CHN1: variants seen among roughly 807,000 people sequenced by gnomAD.
The protein encoded by CHN1 is N-chimaerin.
Under a neutral mutation model 59.5 loss-of-function variants are expected in CHN1, and 37 were observed. The observed-to-expected ratio is 0.62, with a 90% CI of 0.48 to 0.82. The LOEUF is 0.82. CHN1 is among the 40% of genes least tolerant of loss of function. The pLI is 0.00. For missense variants in CHN1, 469 were observed against 571.0 expected (o/e 0.82, Z 1.82); for synonymous variants, 206 against 200.4 (o/e 1.03, Z -0.24).
chr2:174,963,410 T>C (rs1358107274), intron 1 of CHN1, among the ~76,000 whole-genome samples: 2 of 152,178 alleles, frequency 1.3e-5, no homozygotes, highest in Non-Finnish European at 2.9e-5. Context: ...AGAGGTATTA[T>C]CCGACAAGAC....
intron 1 of CHN1, among the ~76,000 whole-genome samples, chr2:175,000,784 T>G (rs541400058): frequency 3.3e-5 from 5 of 152,268 alleles, no homozygotes; most frequent in Admixed American, 1.3e-4. Context: ...GGTATCTCCC[T>G]GTGTTGTTCA....
intron 5 of CHN1, among the ~76,000 whole-genome samples, chr2:174,889,881 ATGTGTG>A (rs111371037): frequency 4.0e-5 from 6 of 149,390 alleles, no homozygotes; most frequent in African/African-American, 7.3e-5. Context: ...ATAAATAAAT[ATGTGTG>A]TGTGTGTGTG....
intron 1 of CHN1, among the ~76,000 whole-genome samples, chr2:174,992,915 C>T (rs1384300428): frequency 6.6e-6 from 1 of 152,084 alleles, no homozygotes; most frequent in Non-Finnish European, 1.5e-5. Flanking sequence ...TCAGCCTCCC[C>T]AAATAGCTGG....
intron 8 of CHN1, among the ~76,000 whole-genome samples, chr2:174,819,344 C>T (rs767739449): frequency 7.2e-5 from 11 of 152,290 alleles, no homozygotes; most frequent in Non-Finnish European, 1.6e-4. Flanking sequence ...GAACTGCTGC[C>T]ATTTCCTTTT....
intron 11 of CHN1, chr2:174,802,144 G>GATA (rs1462196578): frequency 3.8e-6 from 1 of 265,994 alleles, no homozygotes; most frequent in Admixed American, 4.8e-5. Context: ...TGTCGACACA[G>GATA]ATAAAAACTT....
chr2:174,801,676 A>G (rs1182637298), intron 12 of CHN1, 31 bp downstream of exon 12: 5 of 1,505,996 alleles, frequency 3.3e-6, no homozygotes, highest in Non-Finnish European at 2.8e-6. Flanking sequence ...TGGATGCAAT[A>G]CAAGTGTAAG....
At chr2:174,877,050 T>C (rs1222001342) in intron 6 of CHN1, among the ~76,000 whole-genome samples, 2 of 152,146 alleles carry the variant, frequency 1.3e-5, no homozygotes, top group South Asian at 2.1e-4. Context: ...TTACAATACC[T>C]AAAATGCCCC....
chr2:174,991,426 C>T (rs1041049531), intron 1 of CHN1, among the ~76,000 whole-genome samples: 4 of 152,094 alleles, frequency 2.6e-5, no homozygotes, highest in Middle Eastern at 3.2e-3. Flanking sequence ...TATAACAAGC[C>T]CTGTGTTTAT....
At chr2:174,934,383 A>G (rs1264471018) in intron 3 of CHN1, among the ~76,000 whole-genome samples, 1 of 152,166 alleles carries the variant, frequency 6.6e-6, no homozygotes, top group East Asian at 1.9e-4. Context: ...GCCACTACTG[A>G]TCTGACAGGA....
intron 6 of CHN1, among the ~76,000 whole-genome samples, chr2:174,853,391 T>A (rs942258752): frequency 6.6e-6 from 1 of 151,966 alleles, no homozygotes; most frequent in African/African-American, 2.4e-5. Flanking sequence ...AGAACCAAAA[T>A]GAGATACCAT....
In CHN1 at chr2:174,944,373, T is replaced by C. The variant is rs1689764416; in HGVS notation, c.114+515A>G. ...TAAGTATATTCTGAGCTTTTAACTTTTGCCAATCTGCAAAGTAAAAATGAT... is the reference window on the plus strand; with the variant it reads ...TAAGTATATTCTGAGCTTTTAACTTCTGCCAATCTGCAAAGTAAAAATGAT... On this transcript the variant is annotated intron_variant, in intron 3 of 12. Transcript: ENST00000409900. Among the ~76,000 whole-genome samples the C allele has an allele frequency of 1.3e-5, 2 of 152,228 alleles. 1 individual carries two copies. Among genetic ancestry groups the C allele is most frequent in the South Asian group, 4.1e-4 (2 of 4,838 alleles).
Position 174,989,370 on chromosome 2 carries a change from C to A in CHN1, c.19+15524G>T, listed in dbSNP as rs61564353. Among the ~76,000 whole-genome samples, 283 of 150,612 alleles carry A rather than the reference C, an allele frequency of 1.9e-3. 1 individual carries two copies. The highest frequency in any genetic ancestry group is 6.4e-3 in the African/African-American group (263 of 40,948). On this transcript the variant is annotated intron_variant, in intron 1 of 12. Transcript: ENST00000409900. ...CAGCCTGGGCAACAAGAGGAAACTC[C>A]AACTCAAAAAAAAGAAAAAAAAGAT...
At chr2:174,966,413 A>G (rs190425789) in intron 1 of CHN1, among the ~76,000 whole-genome samples, 1 of 152,188 alleles carries the variant, frequency 6.6e-6, no homozygotes, top group African/African-American at 2.4e-5. Context: ...ACAGAAAAAA[A>G]TATTTTGTAA....
chr2:174,828,746 G>A lies in CHN1; in HGVS notation c.628-4228C>T, dbSNP rs180709636. Among the ~76,000 whole-genome samples, 60 of 152,296 alleles carry A rather than the reference G, an allele frequency of 3.9e-4. 2 individuals are homozygous for A. In the East Asian group the frequency reaches 0.011, roughly 28 times the overall value. On this transcript the variant is annotated intron_variant, in intron 7 of 12. Transcript: ENST00000409900. ...GTTGCAGGATGCTAAGGAAGAACTA[G>A]GTGGGATATGCGGGAAAGGAGGCCT... is the stretch of plus-strand genomic sequence containing the variant.
At chr2:174,830,263 C>G (rs899037341) in intron 7 of CHN1, among the ~76,000 whole-genome samples, 1 of 151,914 alleles carries the variant, frequency 6.6e-6, no homozygotes, top group Non-Finnish European at 1.5e-5. Context: ...AAAATCATAC[C>G]CTAATTTTAC....
chr2:174,976,429 G>T (rs2105444453), intron 1 of CHN1, among the ~76,000 whole-genome samples: 1 of 151,938 alleles, frequency 6.6e-6, no homozygotes, highest in East Asian at 2.0e-4. Context: ...AGTACAGACG[G>T]GGTTTCACCA....
chr2:174,900,678 G>A (rs1400525288), intron 5 of CHN1, among the ~76,000 whole-genome samples: 2 of 152,058 alleles, frequency 1.3e-5, no homozygotes, highest in African/African-American at 4.8e-5. Context: ...GGTGACAGGT[G>A]CCTGTATGCC....
intron 1 of CHN1, among the ~76,000 whole-genome samples, chr2:174,986,128 A>G (rs1263653862): frequency 6.6e-6 from 1 of 152,186 alleles, no homozygotes; most frequent in Non-Finnish European, 1.5e-5. Flanking sequence ...CTGGATCCCT[A>G]TATTATCTTC....
intron 7 of CHN1, among the ~76,000 whole-genome samples, chr2:174,825,264 A>G (rs912494152): frequency 6.6e-6 from 1 of 152,214 alleles, no homozygotes; most frequent in Non-Finnish European, 1.5e-5. Flanking sequence ...CACAGACATT[A>G]AAGGAGATAC....
Sources: gnomAD v4.1 joint callset for allele counts (sites outside exome capture counted in the v4.1 genomes callset) on GRCh38, gnomAD v4.1.1 for gene constraint, MANE v1.5 for transcripts, NCBI Gene and HGNC (gene_info 2026-07-23, HGNC 2026-07-21) for gene names.